The following EYS variants were observed in gnomAD, a reference collection of about 807,000 sequenced individuals.
The protein encoded by EYS is protein eyes shut homolog.
EYS carries 250 observed loss-of-function variants against 282.1 expected under a neutral mutation model. That is an observed-to-expected ratio of 0.89 (90% CI 0.80 to 0.98). The LOEUF (loss-of-function observed/expected upper bound fraction) is 0.98. Among genes scored for constraint, EYS ranks in the 50% least tolerant of loss-of-function variants. The pLI is 0.00. For missense variants in EYS, 4,016 were observed against 3,709.0 expected (o/e 1.08, Z -2.15); for synonymous variants, 1,355 against 1,282.9 (o/e 1.06, Z -1.20).
chr6:64,989,639 A>G (rs1363096030), intron 14 of EYS, among the ~76,000 whole-genome samples: 1 of 144,502 alleles, frequency 6.9e-6, no homozygotes, highest in African/African-American at 2.5e-5. Context: ...TAAATTAAAT[A>G]CATAATTATA....
At chr6:65,210,751 G>C (rs1459925518) in intron 12 of EYS, among the ~76,000 whole-genome samples, 1 of 151,944 alleles carries the variant, frequency 6.6e-6, no homozygotes, top group Admixed American at 6.6e-5. Flanking sequence ...ATCACTTGTA[G>C]CATGAAGAAC....
At chr6:65,547,286 C>T (rs1768426447) in intron 2 of EYS, among the ~76,000 whole-genome samples, 1 of 151,266 alleles carries the variant, frequency 6.6e-6, no homozygotes, top group Admixed American at 6.6e-5. Flanking sequence ...ATTTCAATGG[C>T]TGCATGATAT....
Position 63,859,077 on chromosome 6 carries a change from T to TC in EYS, c.7228+5108_7228+5109insG, listed in dbSNP as rs1453156769. 2.8e-4 allele frequency among the ~76,000 whole-genome samples: 5 copies of TC among 17,812 alleles called. No homozygotes were observed. The East Asian group carries it at 6.5e-3, about 23-fold the overall frequency. 11.7% of individuals were successfully genotyped at this position (17,812 alleles called of 152,430 possible). A position where few individuals can be genotyped will look rare whatever the true frequency, so the allele number is the denominator to read the frequency against. On this transcript the variant is annotated intron_variant, in intron 36 of 42. Coordinates refer to ENST00000503581, the MANE Select transcript of EYS (RefSeq NM_001142800.2). The stretch of plus-strand genomic sequence containing the variant: ...GATTTCCATTGATGTCCTAGAGAGT[T>TC]TTTTTTTTTTTTTTTTTTTTTTTTT...
At chr6:65,310,969 C>G (rs1349853919) in intron 11 of EYS, among the ~76,000 whole-genome samples, 1 of 151,962 alleles carries the variant, frequency 6.6e-6, no homozygotes, top group Non-Finnish European at 1.5e-5. Context: ...CTTTTCCTGT[C>G]GTGTTCACTA....
intron 34 of EYS, among the ~76,000 whole-genome samples, chr6:63,987,413 T>G (rs767431117): frequency 6.6e-6 from 1 of 151,754 alleles, no homozygotes; most frequent in Non-Finnish European, 1.5e-5. Flanking sequence ...TTGACCAGAA[T>G]GATGCTAAAA....
intron 29 of EYS, among the ~76,000 whole-genome samples, chr6:64,344,028 G>C (rs1771254560): frequency 6.6e-6 from 1 of 152,084 alleles, no homozygotes; most frequent in Non-Finnish European, 1.5e-5. Flanking sequence ...TCTCTGAATA[G>C]ACCAATAACA....
intron 28 of EYS, among the ~76,000 whole-genome samples, chr6:64,404,242 CAT>C (rs200916071): frequency 0.038 from 5,831 of 152,196 alleles, 357 homozygotes; most frequent in African/African-American, 0.13. Context: ...TGCTTTAACA[CAT>C]GAGGGATAAA....
At chr6:64,587,193 T>G (rs1369991678) in intron 26 of EYS, among the ~76,000 whole-genome samples, 1 of 152,016 alleles carries the variant, frequency 6.6e-6, no homozygotes, top group African/African-American at 2.4e-5. Flanking sequence ...GTGTCATTTT[T>G]TTTTCTAGTG....
At chr6:65,461,642 GC>G (rs139122553) in intron 5 of EYS, among the ~76,000 whole-genome samples, 7,089 of 152,056 alleles carry the variant, frequency 0.047, 456 homozygotes, top group African/African-American at 0.14. Context: ...TCCTTGATCA[GC>G]CCTGAAACCC....
In EYS at chr6:65,640,582, A is replaced by G. The variant is rs117819565; in HGVS notation, c.-447-690T>C. Among the ~76,000 whole-genome samples, 290 of 152,264 alleles carry G rather than the reference A, an allele frequency of 1.9e-3. 5 individuals carry two copies. The East Asian group carries it at 0.028, about 15-fold the overall frequency. The stretch of plus-strand genomic sequence containing the variant: ...GTATTTTCAAGGCATATAGAATTCA[A>G]GGTTGGGAGTTTTGCTGTTATTGTT... On this transcript the variant is annotated intron_variant, in intron 1 of 42. Coordinates refer to ENST00000503581, the MANE Select transcript of EYS (RefSeq NM_001142800.2).
chr6:64,857,014 T>A (rs1176828598), intron 19 of EYS, among the ~76,000 whole-genome samples: 1 of 152,196 alleles, frequency 6.6e-6, no homozygotes, highest in Non-Finnish European at 1.5e-5. Flanking sequence ...TGTCTAGTTA[T>A]TCCTGCATCA....
In EYS at chr6:63,864,734, A is replaced by G. The variant is rs1003387342; in HGVS notation, c.7056-376T>C. Among the ~76,000 whole-genome samples the G allele has an allele frequency of 2.0e-5, 3 of 152,336 alleles. No individual in the cohort carries two copies. In the South Asian group the frequency reaches 6.2e-4, roughly 32 times the overall value. On this transcript the variant is annotated intron_variant, in intron 35 of 42. Coordinates refer to ENST00000503581, the MANE Select transcript of EYS (RefSeq NM_001142800.2). ...TATTAGCAAAAAACATCTTAGACTC[A>G]AAGCTCAGAGGAGAATTTTAAGCTG...
intron 26 of EYS, among the ~76,000 whole-genome samples, chr6:64,514,461 T>G (rs771048147): frequency 1.3e-5 from 2 of 151,838 alleles, no homozygotes; most frequent in Non-Finnish European, 2.9e-5. Flanking sequence ...GCCATGGCCT[T>G]GTGACCTAAG....
At chr6:64,360,784 A>T (rs1771978052) in intron 29 of EYS, among the ~76,000 whole-genome samples, 1 of 151,792 alleles carries the variant, frequency 6.6e-6, no homozygotes, top group Non-Finnish European at 1.5e-5. Flanking sequence ...CCTGTTACTC[A>T]TAAAATGTAC....
Position 65,440,858 on chromosome 6 carries a change from T to G in EYS, c.863-35491A>C, listed in dbSNP as rs138408771. ...AAAAAAATATGTGTATATATATATA[T>G]ATAGATTTATATTATATATTTATAT... On this transcript the variant is annotated intron_variant, in intron 5 of 42. Coordinates refer to ENST00000503581, the MANE Select transcript of EYS (RefSeq NM_001142800.2). Among the ~76,000 whole-genome samples the G allele has an allele frequency of 9.1e-3, 1,339 of 147,086 alleles. 22 individuals are homozygous for G. The highest frequency in any genetic ancestry group is 0.039 in the South Asian group (188 of 4,776).
Position 64,676,316 on chromosome 6 carries a change from C to CTATATA in EYS, c.3444-50077_3444-50072dup, listed in dbSNP as rs199984162. On this transcript the variant is annotated intron_variant, in intron 22 of 42. Coordinates refer to ENST00000503581, the MANE Select transcript of EYS (RefSeq NM_001142800.2). Reference sequence around the variant, plus strand: ...ATATCTATATCTATATCCAATATATCTATATATATATATCTATATATCTAT... The same window carrying CTATATA: ...ATATCTATATCTATATCCAATATATCTATATATATATATATATATCTATATATCTAT... 2.6e-3 allele frequency among the ~76,000 whole-genome samples: 313 copies of CTATATA among 119,026 alleles called. 1 individual carries two copies. The highest frequency in any genetic ancestry group is 4.2e-3 in the Non-Finnish European group (230 of 54,668). The allele number at this position is 119,026 out of a possible 152,430, so 78.1% of individuals were successfully genotyped here. A position where few individuals can be genotyped will look rare whatever the true frequency, so the allele number is the denominator to read the frequency against.
chr6:65,310,346 TCTATCTATCTAG>T (rs1769122826), intron 11 of EYS, among the ~76,000 whole-genome samples: 1 of 151,928 alleles, frequency 6.6e-6, no homozygotes, highest in African/African-American at 2.4e-5. Flanking sequence ...TCTGTCTAAA[TCTATCTATCTAG>T]CTATCTATCT....
intron 5 of EYS, among the ~76,000 whole-genome samples, chr6:65,413,542 A>G (rs1767109902): frequency 6.6e-6 from 1 of 152,092 alleles, no homozygotes; most frequent in Non-Finnish European, 1.5e-5. Flanking sequence ...AAATAATGGA[A>G]TGAGTCCTGT....
chr6:65,570,528 T>A (rs771903867), intron 2 of EYS, among the ~76,000 whole-genome samples: 1 of 152,176 alleles, frequency 6.6e-6, no homozygotes, highest in Non-Finnish European at 1.5e-5. Flanking sequence ...AACTGACTTT[T>A]ATCATGATCT....
Sources: allele counts gnomAD v4.1 joint callset (sites outside exome capture counted in the v4.1 genomes callset), GRCh38; gene constraint gnomAD v4.1.1; transcripts MANE v1.5; gene names NCBI Gene and HGNC (gene_info 2026-07-23, HGNC 2026-07-21).